Variants in SIPA1L2 observed in about 807,000 individuals in gnomAD.
SIPA1L2 encodes signal induced proliferation associated 1 like 2.
SIPA1L2 carries 56 observed loss-of-function variants against 163.9 expected under a neutral mutation model. The ratio of observed to expected loss-of-function variants is 0.34; its 90% CI spans 0.28 to 0.43. The LOEUF is 0.43. Ranked by LOEUF, SIPA1L2 falls within the 20% of genes least tolerant of loss-of-function variation. SIPA1L2 has a pLI of 1.00. For missense variants in SIPA1L2, 1,974 were observed against 2,193.5 expected, an observed-to-expected ratio of 0.90 and a Z score of 2.00; for synonymous variants, 877 against 865.7, an observed-to-expected ratio of 1.01 and a Z score of -0.23.
Position 232,483,877 on chromosome 1 carries a change from T to C in SIPA1L2, c.1896A>G (p.Pro632=). The C allele has an allele frequency of 6.2e-7, 1 of 1,614,124 alleles. No homozygotes were observed. Among genetic ancestry groups the C allele is most frequent in the South Asian group, 1.1e-5 (1 of 91,088 alleles). ...GAAGATCAAGGAATTCTTCAAAAGCTGGTCCCGCCGTCTCATTGTTATACA... is the reference window on the plus strand; with the variant it reads ...GAAGATCAAGGAATTCTTCAAAAGCCGGTCCCGCCGTCTCATTGTTATACA... ...EEMYNNETAG[P]AFEEFLDLLG... is the part of the protein sequence containing the mutation. The change falls in exon 6 of 23, where the codon CCA becomes CCG. Residue 632 remains proline (P), a synonymous_variant. Coordinates refer to ENST00000674635, the MANE Select transcript of SIPA1L2 (RefSeq NM_020808.5).
intron 9 of SIPA1L2, among the ~76,000 whole-genome samples, chr1:232,461,647 A>G (rs994771707): frequency 2.0e-5 from 3 of 152,258 alleles, no homozygotes; most frequent in Non-Finnish European, 2.9e-5. Flanking sequence ...ACTAAAAACC[A>G]TGAGACAATT....
rs1394703508 is a variant in SIPA1L2 at position 232,439,317 on chromosome 1, A to G, written c.3822T>C (p.Pro1274=). The G allele has an allele frequency of 1.2e-6, 2 of 1,614,150 alleles. No individual in the cohort carries two copies. Among genetic ancestry groups the G allele is most frequent in the South Asian group, 2.2e-5 (2 of 91,070 alleles). Residue 1274 remains proline (P), a synonymous_variant, in exon 15 of 23, where the codon CCT becomes CCC. Transcript: ENST00000674635. ...GGTGCACAGGGCCGAGGATGGTGGC[A>G]GGCATGCAGGGGGCCGTGTCGATGC... The part of the protein sequence containing the change: ...DSGIDTAPCM[P]ATILGPVHLA...
intron 2 of SIPA1L2, among the ~76,000 whole-genome samples, chr1:232,566,414 A>C (rs1659407754): frequency 6.6e-6 from 1 of 152,236 alleles, no homozygotes; most frequent in African/African-American, 2.4e-5. Context: ...TAAACCATGC[A>C]TACTGAGACT....
At chr1:232,522,500 C>CTTTTTTTTTTTTTT (rs5781702) in intron 2 of SIPA1L2, among the ~76,000 whole-genome samples, 1 of 144,122 alleles carries the variant, frequency 6.9e-6, no homozygotes, top group Non-Finnish European at 1.5e-5. Flanking sequence ...AGCATTGTGC[C>CTTTTTTTTTTTTTT]TTTTTTTTTT....
chr1:232,419,745 T>C (rs757248749), intron 18 of SIPA1L2, among the ~76,000 whole-genome samples: 9 of 152,198 alleles, frequency 5.9e-5, no homozygotes, highest in Non-Finnish European at 1.2e-4. Context: ...TTAAATCTCT[T>C]TTCTTATAAA....
rs560186915 is a variant in SIPA1L2, at chr1:232,554,333, T to G, written c.-270+19841A>C. On this transcript the variant is annotated intron_variant, in intron 2 of 22. Transcript: ENST00000674635. ...CTGAAACTTCAATAACAGGACACAA[T>G]ACAAAGAAGAAGGGCTCCTACAGGA... Among the ~76,000 whole-genome samples, 5 of 152,246 alleles carry G rather than the reference T, an allele frequency of 3.3e-5. 1 individual carries two copies. The highest frequency in any genetic ancestry group is 2.0e-4 in the Admixed American group (3 of 15,296).
intron 17 of SIPA1L2, among the ~76,000 whole-genome samples, chr1:232,426,136 T>A (rs1661884809): frequency 6.6e-6 from 1 of 152,204 alleles, no homozygotes; most frequent in Non-Finnish European, 1.5e-5. Flanking sequence ...TTATATAAGG[T>A]TGCCATTTCA....
chr1:232,417,340 C>G (rs1661320668), intron 18 of SIPA1L2, among the ~76,000 whole-genome samples: 1 of 152,150 alleles, frequency 6.6e-6, no homozygotes, highest in African/African-American at 2.4e-5. Context: ...CCTAATTATT[C>G]CCTGCCTCTA....
At chr1:232,525,868 C>G (rs566188147) in intron 2 of SIPA1L2, among the ~76,000 whole-genome samples, 1 of 152,256 alleles carries the variant, frequency 6.6e-6, no homozygotes, top group South Asian at 2.1e-4. Context: ...GACACCTGAG[C>G]AAGCAGACGC....
intron 1 of SIPA1L2, among the ~76,000 whole-genome samples, chr1:232,580,117 A>G (rs1420223185): frequency 1.3e-5 from 2 of 152,306 alleles, no homozygotes; most frequent in East Asian, 3.9e-4. Flanking sequence ...ATTATTCATG[A>G]GTTTTCCAGG....
intron 1 of SIPA1L2, among the ~76,000 whole-genome samples, chr1:232,622,981 G>A (rs1217291470): frequency 3.9e-5 from 6 of 152,228 alleles, no homozygotes; most frequent in Non-Finnish European, 7.3e-5. Flanking sequence ...CCTAAGTGCA[G>A]GGAATACAGC....
chr1:232,573,520 C>G (rs1397343006), intron 2 of SIPA1L2, among the ~76,000 whole-genome samples: 1 of 152,152 alleles, frequency 6.6e-6, no homozygotes, highest in Non-Finnish European at 1.5e-5. Context: ...CAATCCAAAG[C>G]TGGAGGACAA....
At chr1:232,404,248 CA>C in intron 19 of SIPA1L2, 70 bp from the exon 20 acceptor site, 2 of 1,430,452 alleles carry the variant, frequency 1.4e-6, no homozygotes, top group Non-Finnish European at 9.8e-7. Context: ...CGGGGGCCCA[CA>C]AAATGCGGCT....
intron 15 of SIPA1L2, among the ~76,000 whole-genome samples, chr1:232,438,700 C>A (rs530100357): frequency 1.3e-5 from 2 of 152,354 alleles, no homozygotes. Context: ...CATGCCCTCA[C>A]GGCAGGGAGC....
rs1221169431 is a variant in SIPA1L2 at position 232,465,328 on chromosome 1, C to T, written c.2332G>A (p.Asp778Asn). 6.2e-7 allele frequency: 1 copy of T among 1,614,082 alleles called. No homozygotes were observed. Among genetic ancestry groups the T allele is most frequent in the Admixed American group, 1.7e-5 (1 of 60,012 alleles). ...VTFPKSAVFR[D>N]FLLAKVINAE... Reference sequence around the variant, plus strand: ...TTGATTACTTTGGCTAAAAGGAAGTCCCGGAACACGGCTGACTTTGGAAAA... The same window carrying T: ...TTGATTACTTTGGCTAAAAGGAAGTTCCGGAACACGGCTGACTTTGGAAAA... Residue 778 changes from aspartate to asparagine, a missense_variant, in exon 9 of 23, where the codon GAC becomes AAC. By Grantham distance (23) the Asp-to-Asn change is conservative. Coordinates refer to ENST00000674635, the MANE Select transcript of SIPA1L2 (RefSeq NM_020808.5). The surrounding 1 kb of genome is among the most constrained non-coding windows in gnomAD (Gnocchi z 4.1).
chr1:232,513,122 C>A (rs892920066), intron 3 of SIPA1L2, among the ~76,000 whole-genome samples: 5 of 152,204 alleles, frequency 3.3e-5, no homozygotes, highest in Non-Finnish European at 5.9e-5. Context: ...ACATGTGGAA[C>A]CTGTTTCTCT....
At chr1:232,538,659 G>A (rs1257999834) in intron 2 of SIPA1L2, among the ~76,000 whole-genome samples, 2 of 151,156 alleles carry the variant, frequency 1.3e-5, no homozygotes, top group African/African-American at 2.5e-5. Flanking sequence ...TAATCTTAAA[G>A]TCCCCCAGGC....
At chr1:232,495,513 C>T (rs11579669) in intron 3 of SIPA1L2, among the ~76,000 whole-genome samples, 1,677 of 148,176 alleles carry the variant, frequency 0.011, 36 homozygotes, top group African/African-American at 0.039. Context: ...TGCATCGAGC[C>T]GAGATCACCC....
rs573157608 is a variant in SIPA1L2 at position 232,434,291 on chromosome 1, C to CACAA, written c.4032-1824_4032-1821dup. Among the ~76,000 whole-genome samples the CACAA allele has an allele frequency of 6.9e-4, 105 of 152,242 alleles. No individual in the cohort carries two copies. In the Middle Eastern group the frequency reaches 0.014, roughly 20 times the overall value. On this transcript the variant is annotated intron_variant, in intron 15 of 22. Transcript: ENST00000674635. ...GTAGAGGTTCAAGAGGAAATAAAGA[C>CACAA]ACAAAATAAACGGACCCATTTTCAG... is the stretch of plus-strand genomic sequence containing the variant.
Sources: gnomAD v4.1 joint callset for allele counts (sites outside exome capture counted in the v4.1 genomes callset) on GRCh38, gnomAD v4.1.1 for gene constraint, Gnocchi (gnomAD v3.1) non-coding constraint, MANE v1.5 for transcripts, NCBI Gene and HGNC (gene_info 2026-07-23, HGNC 2026-07-21) for gene names.